The following ZNF385C variants were observed in gnomAD, a reference collection of about 807,000 sequenced individuals.
ZNF385C encodes the protein CTD-2132N18.2.
Under a neutral mutation model 35.4 loss-of-function variants are expected in ZNF385C, and 28 were observed. That is an observed-to-expected ratio of 0.79 (90% CI 0.59 to 1.08). The LOEUF is 1.08. ZNF385C is among the 50% of genes least tolerant of loss of function. The pLI is 0.00. For synonymous variants in ZNF385C, 248 were observed against 248.2 expected (o/e 1.00, Z 0.01); for missense variants, 605 against 595.6 (o/e 1.02, Z -0.16).
At position 42,028,790 on chromosome 17, in the gene ZNF385C, G is replaced by T. The variant is rs1223334226; in HGVS notation, c.960C>A (p.His320Gln). ...GCTCCTGGGACTACTGACCTGTGTT[G>T]TGAGCCTGAAGCTGGGAGGCCGAGT... ...TVNSASQLQA[H>Q]NTGAKHRWMM... Residue 320 changes from histidine (H) to glutamine (Q), a missense_variant, in exon 6 of 9, where the codon CAC becomes CAA. Physicochemically the swap from His to Gln is conservative, Grantham distance 24. Transcript: ENST00000692273. 1 of 1,549,676 alleles carries T rather than the reference G, an allele frequency of 6.5e-7. No individual in the cohort carries two copies. Among genetic ancestry groups the T allele is most frequent in the Admixed American group, 2.0e-5 (1 of 50,968 alleles).
intron 2 of ZNF385C, among the ~76,000 whole-genome samples, chr17:42,045,272 C>T (rs561086141): frequency 2.0e-5 from 3 of 152,166 alleles, no homozygotes; most frequent in South Asian, 2.1e-4. Context: ...AGGATGGTCT[C>T]GATCTCCTGA....
chr17:42,033,130 G>A (rs547675814), intron 4 of ZNF385C, among the ~76,000 whole-genome samples: 7 of 152,116 alleles, frequency 4.6e-5, no homozygotes, highest in Admixed American at 2.6e-4. Flanking sequence ...GCTGCTCCCC[G>A]GCCCACCTCC....
chr17:42,048,580 C>T (rs189323420), intron 2 of ZNF385C, among the ~76,000 whole-genome samples: 115 of 152,160 alleles, frequency 7.6e-4, no homozygotes, highest in African/African-American at 2.7e-3. Context: ...ATGCCCCTCT[C>T]CCAATCATCC....
chr17:42,087,653 A>G (rs554269965), intron 1 of ZNF385C, among the ~76,000 whole-genome samples: 1 of 152,346 alleles, frequency 6.6e-6, no homozygotes, highest in Admixed American at 6.5e-5. Context: ...AGCCAGGCGC[A>G]GTGTCTCACG....
intron 1 of ZNF385C, among the ~76,000 whole-genome samples, chr17:42,077,123 C>T (rs1264197926): frequency 6.6e-6 from 1 of 152,156 alleles, no homozygotes; most frequent in Non-Finnish European, 1.5e-5. Context: ...CAGAAAGTAA[C>T]AAAGACATAT....
chr17:42,035,475 G>C (rs2052832855), intron 3 of ZNF385C, among the ~76,000 whole-genome samples: 1 of 151,756 alleles, frequency 6.6e-6, no homozygotes. Context: ...GGACCTGTGG[G>C]CTGGGGGAAG....
intron 1 of ZNF385C, among the ~76,000 whole-genome samples, chr17:42,078,409 GAA>G (rs1227220447): frequency 7.0e-6 from 1 of 142,292 alleles, no homozygotes; most frequent in Admixed American, 7.1e-5. Context: ...TTTCCATTAA[GAA>G]AAAAAAAAAA....
chr17:42,092,604 G>T (rs2053874482), intron 1 of ZNF385C, among the ~76,000 whole-genome samples: 1 of 152,180 alleles, frequency 6.6e-6, no homozygotes, highest in South Asian at 2.1e-4. Context: ...TGGAGGACTG[G>T]CTCAAGCCTC....
chr17:42,062,861 C>T lies in ZNF385C; in HGVS notation c.196G>A (p.Ala66Thr), dbSNP rs1305300392. The T allele has an allele frequency of 3.1e-6, 2 of 643,752 alleles. No individual in the cohort carries two copies. The highest frequency in any genetic ancestry group is 2.8e-6 in the Non-Finnish European group (1 of 356,778). 39.9% of individuals were successfully genotyped at this position (643,752 alleles called of 1,614,324 possible). ...AQAQVHCGGR[A>T]HQRRLRQLSL... ...AGCTGCCGAAGCCGCCTCTGGTGGG[C>T]CCGCCCCCCACAGTGCACCTGGGCC... Residue 66 changes from alanine (A) to threonine (T), a missense_variant, in exon 2 of 9, where the codon GCC (alanine) becomes ACC (threonine). Coordinates refer to ENST00000692273, the MANE Select transcript of ZNF385C (RefSeq NM_001392013.1).
chr17:42,035,519 C>T (rs1555655347), intron 3 of ZNF385C, among the ~76,000 whole-genome samples: 1 of 147,858 alleles, frequency 6.8e-6, no homozygotes, highest in Non-Finnish European at 1.5e-5. Context: ...ATCACTGTCA[C>T]AGGGCCTGAG....
At chr17:42,040,432 G>A (rs569910487) in intron 2 of ZNF385C, 7 of 1,231,984 alleles carry the variant, frequency 5.7e-6, no homozygotes, top group South Asian at 4.1e-5. Flanking sequence ...GGCCGCAGCC[G>A]CCATCACCAG....
In ZNF385C at chr17:42,067,070, G is replaced by GAA. The variant is rs1303879897; in HGVS notation, c.-2-4014_-2-4013dup. Among the ~76,000 whole-genome samples, 5 of 137,174 alleles carry GAA rather than the reference G, an allele frequency of 3.6e-5. No individual in the cohort carries two copies. In the East Asian group the frequency reaches 8.0e-4, roughly 22 times the overall value. 90.0% of individuals were successfully genotyped at this position (137,174 alleles called of 152,430 possible). On this transcript the variant is annotated intron_variant, in intron 1 of 8. Transcript: ENST00000692273. The stretch of plus-strand genomic sequence containing the variant: ...GGTAACAGAGCAAGACTCCGTCTCA[G>GAA]AAAAAAAAAAAAGAGAGAGAGACAG...
intron 1 of ZNF385C, among the ~76,000 whole-genome samples, chr17:42,086,828 CTT>C (rs531764608): frequency 2.3e-4 from 31 of 132,296 alleles, no homozygotes; most frequent in Admixed American, 5.3e-4. Context: ...CAGTTTAATA[CTT>C]TTTTTTTTTT....
chr17:42,037,940 C>T, intron 2 of ZNF385C, 55 bp from the exon 3 acceptor site: 1 of 1,546,810 alleles, frequency 6.5e-7, no homozygotes, highest in East Asian at 2.4e-5. Context: ...CCCCCGTGGC[C>T]AGAACAAGAG....
chr17:42,065,467 C>T (rs1555658384), intron 1 of ZNF385C: 1 of 152,230 alleles, frequency 6.6e-6, no homozygotes, highest in African/African-American at 2.4e-5. Flanking sequence ...CAAGACTATA[C>T]ATCCAACAGT....
At chr17:42,088,797 G>A (rs539721587) in intron 1 of ZNF385C, among the ~76,000 whole-genome samples, 1 of 152,278 alleles carries the variant, frequency 6.6e-6, no homozygotes, top group South Asian at 2.1e-4. Flanking sequence ...GGGCTGCGGT[G>A]GGATCCTGGG....
intron 2 of ZNF385C, among the ~76,000 whole-genome samples, chr17:42,053,784 C>T (rs567241920): frequency 2.0e-5 from 3 of 152,158 alleles, no homozygotes; most frequent in Admixed American, 2.0e-4. Context: ...GGGGAGAGGA[C>T]CACCCTCACC....
At chr17:42,077,660 G>A (rs1244675831) in intron 1 of ZNF385C, among the ~76,000 whole-genome samples, 4 of 152,202 alleles carry the variant, frequency 2.6e-5, no homozygotes, top group African/African-American at 9.7e-5. Flanking sequence ...GCAAGGAGCA[G>A]AGACCCCGGC....
At chr17:42,061,170 T>C (rs562817458) in intron 2 of ZNF385C, 149 of 151,232 alleles carry the variant, frequency 9.9e-4, no homozygotes, top group African/African-American at 3.5e-3. Context: ...TTACACCTAG[T>C]AGGTGGTCAA....
Sources: allele counts gnomAD v4.1 joint callset (sites outside exome capture counted in the v4.1 genomes callset), GRCh38; gene constraint gnomAD v4.1.1; transcripts MANE v1.5; gene names NCBI Gene and HGNC (gene_info 2026-07-23, HGNC 2026-07-21).